PLXDC2: variants seen among roughly 807,000 people sequenced by gnomAD.
The protein encoded by PLXDC2 is plexin domain-containing protein 2.
Under a neutral mutation model 68.9 loss-of-function variants are expected in PLXDC2, and 40 were observed. The ratio of observed to expected loss-of-function variants is 0.58; its 90% CI spans 0.45 to 0.76. The LOEUF (loss-of-function observed/expected upper bound fraction) is 0.76. PLXDC2 is among the 30% of genes least tolerant of loss of function. The pLI is 0.00. For synonymous variants in PLXDC2, 243 were observed against 234.2 expected (o/e 1.04, Z -0.34); for missense variants, 644 against 661.9 (o/e 0.97, Z 0.30).
chr10:19,971,089 G>A (rs1834344105), intron 1 of PLXDC2, among the ~76,000 whole-genome samples: 1 of 152,116 alleles, frequency 6.6e-6, no homozygotes, highest in African/African-American at 2.4e-5. Flanking sequence ...TTTTAGATAT[G>A]ATTTAATATA....
chr10:20,184,999 G>C (rs1336411320), intron 9 of PLXDC2, among the ~76,000 whole-genome samples: 1 of 151,498 alleles, frequency 6.6e-6, no homozygotes, highest in Non-Finnish European at 1.5e-5. Flanking sequence ...GACCCGTCAG[G>C]GGATGGGAGG....
At chr10:19,987,095 A>C (rs1157632608) in intron 1 of PLXDC2, among the ~76,000 whole-genome samples, 1 of 152,204 alleles carries the variant, frequency 6.6e-6, no homozygotes, top group African/African-American at 2.4e-5. Context: ...AAATGGAGCA[A>C]AGCCATTACC....
chr10:20,059,713 C>G (rs1478511458), intron 3 of PLXDC2, among the ~76,000 whole-genome samples: 1 of 152,098 alleles, frequency 6.6e-6, no homozygotes, highest in Non-Finnish European at 1.5e-5. Flanking sequence ...CCAGAGTTTT[C>G]AGGGACTGGA....
At chr10:20,159,856 C>T (rs140776354) in intron 6 of PLXDC2, among the ~76,000 whole-genome samples, 112 of 152,282 alleles carry the variant, frequency 7.4e-4, no homozygotes, top group African/African-American at 2.5e-3. Flanking sequence ...TTACTTCCTT[C>T]GAGTTTCTGC....
intron 1 of PLXDC2, among the ~76,000 whole-genome samples, chr10:19,981,686 G>T (rs1834552657): frequency 6.6e-6 from 1 of 152,170 alleles, no homozygotes; most frequent in African/African-American, 2.4e-5. Context: ...TTTTTTAGTG[G>T]TGGCTAATTC....
intron 7 of PLXDC2, among the ~76,000 whole-genome samples, chr10:20,165,633 G>T (rs924988698): frequency 6.6e-5 from 10 of 152,046 alleles, no homozygotes; most frequent in African/African-American, 2.2e-4. Context: ...AAACTGTTTG[G>T]GAGTCTAAAG....
chr10:20,207,926 T>C (rs1835014813), intron 9 of PLXDC2, among the ~76,000 whole-genome samples: 1 of 152,172 alleles, frequency 6.6e-6, no homozygotes, highest in South Asian at 2.1e-4. Context: ...AATTAAATTA[T>C]ACTTGTTCAT....
At chr10:20,190,598 AAT>A (rs67612054) in intron 9 of PLXDC2, among the ~76,000 whole-genome samples, 72,572 of 148,316 alleles carry the variant, frequency 0.49, 17,970 homozygotes, top group African/African-American at 0.58. Flanking sequence ...AAGTGTAATA[AAT>A]ATATATATAT....
At chr10:20,066,334 C>T (rs148937185) in intron 3 of PLXDC2, among the ~76,000 whole-genome samples, 18 of 152,144 alleles carry the variant, frequency 1.2e-4, no homozygotes, top group African/African-American at 3.1e-4. Context: ...CATGTCATAG[C>T]GTTTTGGTTG....
intron 1 of PLXDC2, among the ~76,000 whole-genome samples, chr10:19,842,336 C>T (rs61841507): frequency 0.016 from 2,425 of 152,162 alleles, 37 homozygotes; most frequent in Non-Finnish European, 0.025. Context: ...AGATATGATT[C>T]CAGGACCTCT....
At chr10:19,894,416 A>G (rs35113430) in intron 1 of PLXDC2, among the ~76,000 whole-genome samples, 34,296 of 151,990 alleles carry the variant, frequency 0.23, 4,387 homozygotes, top group South Asian at 0.35. Flanking sequence ...TTCAATTTCA[A>G]TTGGAATTTA....
intron 1 of PLXDC2, among the ~76,000 whole-genome samples, chr10:19,880,416 CAAT>C (rs1837707072): frequency 1.3e-5 from 2 of 152,124 alleles, no homozygotes; most frequent in Admixed American, 6.5e-5. Flanking sequence ...AGATTAACAA[CAAT>C]AACTAATAAT....
At chr10:20,097,636 A>G (rs1271298633) in intron 4 of PLXDC2, among the ~76,000 whole-genome samples, 1 of 152,122 alleles carries the variant, frequency 6.6e-6, no homozygotes, top group Non-Finnish European at 1.5e-5. Flanking sequence ...ACCCGGTAAG[A>G]TATCAACAAC....
At chr10:20,207,892 A>G (rs754690099) in intron 9 of PLXDC2, among the ~76,000 whole-genome samples, 25 of 152,064 alleles carry the variant, frequency 1.6e-4, no homozygotes, top group Non-Finnish European at 3.2e-4. Context: ...TGTTGACAGG[A>G]GGGTTGTTTT....
chr10:20,143,257 T>TC, intron 4 of PLXDC2, 38 bp from the exon 5 acceptor site: 1 of 1,573,774 alleles, frequency 6.4e-7, no homozygotes, highest in East Asian at 2.2e-5. Flanking sequence ...TATATGGGCT[T>TC]CTTTTTCTGA....
intron 13 of PLXDC2, among the ~76,000 whole-genome samples, chr10:20,266,441 A>AG (rs894774082): frequency 6.6e-6 from 1 of 152,006 alleles, no homozygotes; most frequent in African/African-American, 2.4e-5. Context: ...GTACCCAAAA[A>AG]GGGAAAACAA....
chr10:19,881,758 A>T (rs896050087), intron 1 of PLXDC2, among the ~76,000 whole-genome samples: 2 of 152,218 alleles, frequency 1.3e-5, no homozygotes, highest in African/African-American at 4.8e-5. Flanking sequence ...TGAAACTGCC[A>T]AAAAGTTCTG....
At chr10:20,159,401 A>G (rs922274205) in intron 6 of PLXDC2, among the ~76,000 whole-genome samples, 3 of 152,076 alleles carry the variant, frequency 2.0e-5, no homozygotes, top group Admixed American at 6.6e-5. Flanking sequence ...AGCAGTGCAT[A>G]CATAATTCTT....
chr10:20,017,267 A>C (rs942156303), intron 2 of PLXDC2, among the ~76,000 whole-genome samples: 1 of 152,166 alleles, frequency 6.6e-6, no homozygotes, highest in Non-Finnish European at 1.5e-5. Flanking sequence ...GGCAGGGGCC[A>C]CTGGGCAGCT....
Sources: allele counts gnomAD v4.1 joint callset (sites outside exome capture counted in the v4.1 genomes callset), GRCh38; gene constraint gnomAD v4.1.1; transcripts MANE v1.5; gene names NCBI Gene and HGNC (gene_info 2026-07-23, HGNC 2026-07-21).